The following PLCH1 variants were observed in gnomAD, a reference collection of about 807,000 sequenced individuals.
PLCH1 encodes the protein phospholipase C eta 1, also known as 1-phosphatidylinositol 4,5-bisphosphate phosphodiesterase eta-1.
PLCH1 carries 60 observed loss-of-function variants against 126.7 expected under a neutral mutation model. That is an observed-to-expected ratio of 0.47 (90% CI 0.38 to 0.59). The LOEUF (loss-of-function observed/expected upper bound fraction) is 0.59. Ranked by LOEUF, PLCH1 falls within the 20% of genes least tolerant of loss-of-function variation. PLCH1 has a pLI of 0.00. For missense variants in PLCH1, 1,723 were observed against 2,040.0 expected, an observed-to-expected ratio of 0.84 and a Z score of 2.99; for synonymous variants, 719 against 734.9, an observed-to-expected ratio of 0.98 and a Z score of 0.35.
intron 10 of PLCH1, among the ~76,000 whole-genome samples, chr3:155,533,721 C>A (rs1005774308): frequency 6.6e-6 from 1 of 152,184 alleles, no homozygotes; most frequent in Non-Finnish European, 1.5e-5. Flanking sequence ...GACCCAGAGG[C>A]CTAGGTAGAA....
chr3:155,737,254 A>G, intron 1 of PLCH1, among the ~76,000 whole-genome samples: 2 of 148,724 alleles, frequency 1.3e-5, no homozygotes, highest in East Asian at 1.9e-4. Flanking sequence ...AAAAAAGAGT[A>G]TATGGTGAAT....
At chr3:155,528,377 T>C (rs1351707063) in intron 10 of PLCH1, among the ~76,000 whole-genome samples, 1 of 152,208 alleles carries the variant, frequency 6.6e-6, no homozygotes, top group African/African-American at 2.4e-5. Context: ...TTTTTCTTTA[T>C]TTTAGGAACA....
At chr3:155,640,552 G>A (rs1229512690) in intron 2 of PLCH1, among the ~76,000 whole-genome samples, 1 of 152,102 alleles carries the variant, frequency 6.6e-6, no homozygotes, top group Non-Finnish European at 1.5e-5. Flanking sequence ...GGCTTTTGTG[G>A]TCCTTTAACA....
chr3:155,596,550 C>T, intron 2 of PLCH1, among the ~76,000 whole-genome samples, 172 bp from the exon 3 acceptor site: 1 of 147,322 alleles, frequency 6.8e-6, no homozygotes, highest in Non-Finnish European at 1.5e-5. Context: ...ATTCAACAGG[C>T]TTAAGTCAGT....
chr3:155,741,696 T>TTTATTTTTA (rs1559977240), intron 1 of PLCH1, among the ~76,000 whole-genome samples: 2 of 146,122 alleles, frequency 1.4e-5, no homozygotes, highest in South Asian at 2.2e-4. Flanking sequence ...TTTTTTTTTT[T>TTTATTTTTA]TTTTTTTTGT....
intron 21 of PLCH1, among the ~76,000 whole-genome samples, chr3:155,471,900 C>T (rs963856550): frequency 8.6e-5 from 13 of 151,834 alleles, no homozygotes; most frequent in African/African-American, 2.7e-4. Flanking sequence ...ACACAACATA[C>T]CAGAATCTCT....
chr3:155,504,079 A>C (rs1718306187), intron 13 of PLCH1, among the ~76,000 whole-genome samples: 3 of 152,230 alleles, frequency 2.0e-5, no homozygotes, highest in Non-Finnish European at 1.5e-5. Flanking sequence ...TGTGTTTCCC[A>C]GATGACTGAC....
At chr3:155,524,315 C>T (rs943777712) in intron 10 of PLCH1, among the ~76,000 whole-genome samples, 1 of 152,034 alleles carries the variant, frequency 6.6e-6, no homozygotes, top group Non-Finnish European at 1.5e-5. Flanking sequence ...AGGAGGGTAT[C>T]GGGAGTTGTT....
intron 3 of PLCH1, 61 bp from the exon 4 acceptor site, chr3:155,594,245 C>A (rs996293264): frequency 1.3e-6 from 2 of 1,486,688 alleles, no homozygotes; most frequent in African/African-American, 1.4e-5. Flanking sequence ...TTTACATGCA[C>A]TAAGAAACAA....
At chr3:155,640,010 G>A (rs909688256) in intron 2 of PLCH1, among the ~76,000 whole-genome samples, 1 of 152,210 alleles carries the variant, frequency 6.6e-6, no homozygotes, top group East Asian at 1.9e-4. Context: ...GGCCTCCTCA[G>A]CCATGCTTTC....
intron 2 of PLCH1, among the ~76,000 whole-genome samples, chr3:155,698,550 C>G (rs1014691003): frequency 2.6e-5 from 4 of 152,158 alleles, no homozygotes; most frequent in African/African-American, 9.7e-5. Flanking sequence ...CTCCAATTAG[C>G]CTGTGTTTAA....
chr3:155,733,821 A>T (rs10936015), intron 1 of PLCH1, among the ~76,000 whole-genome samples: 61,446 of 150,622 alleles, frequency 0.41, 14,336 homozygotes, highest in African/African-American at 0.62. Context: ...TCAAAATACA[A>T]AAGGAACTCA....
chr3:155,505,894 T>A (rs75663584), intron 12 of PLCH1, among the ~76,000 whole-genome samples: 2 of 145,532 alleles, frequency 1.4e-5, no homozygotes, highest in African/African-American at 5.0e-5. Flanking sequence ...TTGGTCCGCT[T>A]TTTTTTTTTT....
At chr3:155,534,825 C>A (rs2108352336) in intron 10 of PLCH1, among the ~76,000 whole-genome samples, 1 of 152,290 alleles carries the variant, frequency 6.6e-6, no homozygotes, top group Admixed American at 6.5e-5. Flanking sequence ...TCTCCCTTCA[C>A]TGTTCACCCT....
chr3:155,695,269 G>T (rs11914419), intron 2 of PLCH1, among the ~76,000 whole-genome samples: 3,257 of 152,156 alleles, frequency 0.021, 133 homozygotes, highest in African/African-American at 0.074. Flanking sequence ...CCATTTCAAG[G>T]CATTATGCAT....
At chr3:155,728,600 T>C in intron 1 of PLCH1, among the ~76,000 whole-genome samples, 1 of 152,120 alleles carries the variant, frequency 6.6e-6, no homozygotes, top group East Asian at 1.9e-4. Context: ...TTTTGCTTCC[T>C]AACAAATCAT....
intron 21 of PLCH1, chr3:155,486,239 A>G (rs1243565389): frequency 1.5e-6 from 2 of 1,375,156 alleles, no homozygotes; most frequent in Non-Finnish European, 1.0e-6. Flanking sequence ...ACAACAAAAC[A>G]CAATTGGGGC....
chr3:155,696,362 T>C (rs543554957), intron 2 of PLCH1, among the ~76,000 whole-genome samples: 2 of 152,282 alleles, frequency 1.3e-5, no homozygotes, highest in East Asian at 3.9e-4. Flanking sequence ...GTTTCATGAT[T>C]ACAAACACAA....
At chr3:155,543,944 G>A (rs1274087561) in intron 10 of PLCH1, among the ~76,000 whole-genome samples, 1 of 152,024 alleles carries the variant, frequency 6.6e-6, no homozygotes, top group East Asian at 1.9e-4. Flanking sequence ...ATGCCAAATT[G>A]TAAAGACCAT....
Sources: gnomAD v4.1 joint callset for allele counts (sites outside exome capture counted in the v4.1 genomes callset) on GRCh38, gnomAD v4.1.1 for gene constraint, MANE v1.5 for transcripts, NCBI Gene and HGNC (gene_info 2026-07-23, HGNC 2026-07-21) for gene names.